The following TK2 variants were observed in gnomAD, a reference collection of about 807,000 sequenced individuals.
TK2 encodes thymidine kinase 2, mitochondrial.
Under a neutral mutation model 41.9 loss-of-function variants are expected in TK2, and 35 were observed. The observed-to-expected ratio is 0.84, with a 90% CI of 0.64 to 1.11. The LOEUF (loss-of-function observed/expected upper bound fraction) is 1.11. Among genes scored for constraint, TK2 ranks in the 50% least tolerant of loss-of-function variants. The pLI, the probability that TK2 is intolerant of heterozygous loss-of-function variation, is 0.00. For missense variants in TK2, 320 were observed against 351.1 expected (o/e 0.91, Z 0.71); for synonymous variants, 128 against 129.1 (o/e 0.99, Z 0.06).
At chr16:66,535,371 C>T (rs1361918046) in intron 4 of TK2, among the ~76,000 whole-genome samples, 1 of 152,178 alleles carries the variant, frequency 6.6e-6, no homozygotes, top group Non-Finnish European at 1.5e-5. Context: ...CTAACACCTG[C>T]AACTCTAGCT....
chr16:66,528,527 C>A (rs965222042), intron 6 of TK2, among the ~76,000 whole-genome samples: 2 of 152,190 alleles, frequency 1.3e-5, no homozygotes, highest in Admixed American at 6.5e-5. Context: ...CTCATGTGAC[C>A]ATGTGATCTG....
intron 6 of TK2, among the ~76,000 whole-genome samples, chr16:66,528,129 A>G (rs558523979): frequency 6.6e-6 from 1 of 152,226 alleles, no homozygotes; most frequent in Non-Finnish European, 1.5e-5. Context: ...ACAGGGTGGC[A>G]TTTAGGAAGA....
At position 66,550,021 on chromosome 16, in the gene TK2, A is replaced by AGC. The variant is rs1965744696; in HGVS notation, c.39_40dup (p.Leu14ArgfsTer40). The AGC allele has an allele frequency of 6.5e-7, 1 of 1,547,430 alleles. No homozygotes were observed. The highest frequency in any genetic ancestry group is 2.4e-5 in the East Asian group (1 of 41,048). The stretch of plus-strand genomic sequence containing the variant: ...GCGACTTCCCGGCCCAAAGCAGCGC[A>AGC]GCGCCCGGGCGGCCCAGCCCCGCAG... On this transcript the variant is annotated frameshift_variant, in exon 1 of 10. Coordinates refer to ENST00000544898, the MANE Select transcript of TK2 (RefSeq NM_004614.5). LOFTEE classifies it high-confidence loss of function.
chr16:66,521,860 G>T (rs764976427), intron 6 of TK2, among the ~76,000 whole-genome samples: 1 of 152,206 alleles, frequency 6.6e-6, no homozygotes, highest in Non-Finnish European at 1.5e-5. Context: ...ACCCCAAGGG[G>T]GCAAAACCAA....
At chr16:66,539,286 C>A (rs1046756947) in intron 3 of TK2, among the ~76,000 whole-genome samples, 10 of 151,966 alleles carry the variant, frequency 6.6e-5, no homozygotes, top group African/African-American at 2.4e-4. Context: ...TGGATTACAC[C>A]GAAAGGACAC....
At chr16:66,532,143 A>C (rs1965134825) in intron 4 of TK2, among the ~76,000 whole-genome samples, 1 of 151,990 alleles carries the variant, frequency 6.6e-6, no homozygotes, top group Non-Finnish European at 1.5e-5. Context: ...AAAAAAAAAA[A>C]AAAACCTTAA....
At chr16:66,548,859 T>C (rs1443591739) in intron 2 of TK2, 119 bp downstream of exon 2, 3 of 928,992 alleles carry the variant, frequency 3.2e-6, no homozygotes, top group Admixed American at 2.0e-5. Flanking sequence ...TCCCTGGAGA[T>C]CCTCTTGTAT....
intron 6 of TK2, among the ~76,000 whole-genome samples, chr16:66,518,772 T>C (rs1236480338): frequency 1.3e-5 from 2 of 152,150 alleles, no homozygotes; most frequent in Non-Finnish European, 2.9e-5. Flanking sequence ...TATTCACCAA[T>C]GCATCTTGGA....
chr16:66,512,780 C>A (rs1248243105), intron 9 of TK2, among the ~76,000 whole-genome samples: 2 of 152,158 alleles, frequency 1.3e-5, no homozygotes, highest in African/African-American at 4.8e-5. Flanking sequence ...GAGGCTCTGT[C>A]TCAAAAACAA....
chr16:66,536,399 C>G (rs1474671118), intron 4 of TK2, among the ~76,000 whole-genome samples: 1 of 152,134 alleles, frequency 6.6e-6, no homozygotes, highest in African/African-American at 2.4e-5. Context: ...TTCTATCCAT[C>G]TCTTTCAAGC....
intron 6 of TK2, among the ~76,000 whole-genome samples, chr16:66,520,244 A>G (rs1964741034): frequency 6.6e-6 from 1 of 152,136 alleles, no homozygotes; most frequent in African/African-American, 2.4e-5. Flanking sequence ...CTCAGGCACT[A>G]CAAGTTCAGG....
chr16:66,549,312 G>C lies in TK2; in HGVS notation c.125-303C>G. The C allele has an allele frequency of 4.2e-6, 5 of 1,197,298 alleles. No homozygotes were observed. In the South Asian group the frequency reaches 1.0e-4, roughly 25 times the overall value. The allele number at this position is 1,197,298 out of a possible 1,614,324, so 74.2% of individuals were successfully genotyped here. A position where few individuals can be genotyped will look rare whatever the true frequency, so the allele number is the denominator to read the frequency against. The stretch of plus-strand genomic sequence containing the variant: ...TCACAGACTGGATGTTAAGCAAGTG[G>C]AAAGGCAGAACAGCCTCCACTCGCG... On this transcript the variant is annotated intron_variant, in intron 1 of 9. Coordinates refer to ENST00000544898, the MANE Select transcript of TK2 (RefSeq NM_004614.5).
intron 2 of TK2, among the ~76,000 whole-genome samples, chr16:66,546,979 CT>C (rs1364680395): frequency 1.3e-5 from 2 of 152,128 alleles, no homozygotes; most frequent in Non-Finnish European, 2.9e-5. Context: ...TCTCAGACTC[CT>C]GAGCTCAAGC....
intron 8 of TK2, among the ~76,000 whole-genome samples, chr16:66,516,083 C>A (rs543772564): frequency 6.7e-4 from 99 of 148,296 alleles, no homozygotes; most frequent in African/African-American, 2.3e-3. Context: ...GAATAAGACC[C>A]AATCTTAAAA....
rs187334858 is a variant in TK2 at position 66,544,416 on chromosome 16, T to C, written c.157-2463A>G. On this transcript the variant is annotated intron_variant, in intron 2 of 9. Coordinates refer to ENST00000544898, the MANE Select transcript of TK2 (RefSeq NM_004614.5). ...AGATAAACCCCATGACATATGAGCATATTTCATGCCAAATATTATTTTCTA... is the reference window on the plus strand; with the variant it reads ...AGATAAACCCCATGACATATGAGCACATTTCATGCCAAATATTATTTTCTA... Among the ~76,000 whole-genome samples the C allele has an allele frequency of 1.1e-4, 16 of 152,360 alleles. No homozygotes were observed. In the South Asian group the frequency reaches 1.2e-3, roughly 12 times the overall value.
At chr16:66,548,145 G>A (rs1567542665) in intron 2 of TK2, 2 of 402,960 alleles carry the variant, frequency 5.0e-6, no homozygotes, top group African/African-American at 2.0e-5. Context: ...TATGGCACCC[G>A]CTGGCATATC....
At chr16:66,541,207 T>G (rs1178058791) in intron 3 of TK2, among the ~76,000 whole-genome samples, 1 of 152,248 alleles carries the variant, frequency 6.6e-6, no homozygotes, top group African/African-American at 2.4e-5. Flanking sequence ...ATTACATTTA[T>G]GCAAATATTC....
chr16:66,510,648 G>A lies in TK2; in HGVS notation c.*1320C>T, dbSNP rs1313953986. 2 of 152,248 alleles carry A rather than the reference G, an allele frequency of 1.3e-5. No individual in the cohort carries two copies. Among genetic ancestry groups the A allele is most frequent in the African/African-American group, 4.8e-5 (2 of 41,464 alleles). The allele number at this position is 152,248 out of a possible 1,614,324, so 9.4% of individuals were successfully genotyped here. ...CCAACAGCTGCTCTGAGAGGCTGTG[G>A]CCTGTTTCTCCAGAGTTGAGCCTTA... On this transcript the variant is annotated 3_prime_UTR_variant, in exon 10 of 10. Transcript: ENST00000544898.
rs778693802 is a variant in TK2, at chr16:66,548,027, G to A, written c.156+951C>T. On this transcript the variant is annotated intron_variant, in intron 2 of 9. Transcript: ENST00000544898. Reference sequence around the variant, plus strand: ...GCCAGAGGATCACTTGAGCCCAGGAGTTGGAGGCCAGCCTGGGCAACACAG... The same window carrying A: ...GCCAGAGGATCACTTGAGCCCAGGAATTGGAGGCCAGCCTGGGCAACACAG... 121 of 1,173,558 alleles carry A rather than the reference G, an allele frequency of 1.0e-4. 3 individuals are homozygous for A. In the South Asian group the frequency reaches 1.5e-3, roughly 14 times the overall value. 72.7% of individuals were successfully genotyped at this position (1,173,558 alleles called of 1,614,324 possible).
Sources: allele counts gnomAD v4.1 joint callset (sites outside exome capture counted in the v4.1 genomes callset), GRCh38; gene constraint gnomAD v4.1.1; transcripts MANE v1.5; gene names NCBI Gene and HGNC (gene_info 2026-07-23, HGNC 2026-07-21).